IGF2BP3: variants seen among roughly 807,000 people sequenced by gnomAD.
The protein encoded by IGF2BP3 is insulin-like growth factor 2 mRNA-binding protein 3.
A neutral mutation model predicts 73.8 loss-of-function variants in IGF2BP3; 9 were observed. The observed-to-expected ratio is 0.12, with a 90% CI of 0.07 to 0.21. The LOEUF is 0.21. IGF2BP3 is among the 10% of genes least tolerant of loss of function. The pLI, the probability that IGF2BP3 is intolerant of heterozygous loss-of-function variation, is 1.00. For missense variants in IGF2BP3, 542 were observed against 714.0 expected (o/e 0.76, Z 2.75); for synonymous variants, 258 against 256.7 (o/e 1.01, Z -0.05).
intron 3 of IGF2BP3, among the ~76,000 whole-genome samples, chr7:23,386,356 A>G (rs1277670701): frequency 6.6e-6 from 1 of 152,166 alleles, no homozygotes; most frequent in Non-Finnish European, 1.5e-5. Context: ...CAGCAATTCT[A>G]CAAGATAATC....
chr7:23,351,693 T>C (rs1477641011), intron 5 of IGF2BP3, 107 bp from the exon 6 acceptor site: 2 of 1,221,488 alleles, frequency 1.6e-6, no homozygotes, highest in Non-Finnish European at 1.1e-6. Flanking sequence ...AGCTCTAAAC[T>C]TCTGAGTGAA....
At position 23,359,265 on chromosome 7, in the gene IGF2BP3, T is replaced by TA. The variant is rs371084842; in HGVS notation, c.401+2268_401+2269insT. Reference sequence around the variant, plus strand: ...TGTGCTTGCAGTCTTAATGCTTTGTTTTTTTGTTTTTAAAGGAGGAAGGCT... The same window carrying TA: ...TGTGCTTGCAGTCTTAATGCTTTGTTATTTTTGTTTTTAAAGGAGGAAGGCT... On this transcript the variant is annotated intron_variant, in intron 5 of 14. Transcript: ENST00000258729. Among the ~76,000 whole-genome samples the TA allele has an allele frequency of 4.7e-3, 712 of 152,312 alleles. 7 individuals carry two copies. The highest frequency in any genetic ancestry group is 0.016 in the African/African-American group (659 of 41,560).
chr7:23,437,145 A>G (rs115471569), intron 2 of IGF2BP3, among the ~76,000 whole-genome samples: 2,995 of 152,026 alleles, frequency 0.02, 102 homozygotes, highest in African/African-American at 0.069. Context: ...AAAAGCAAAT[A>G]TAGGATACTT....
chr7:23,398,263 T>C lies in IGF2BP3; in HGVS notation c.285+20513A>G, dbSNP rs549212913. On this transcript the variant is annotated intron_variant, in intron 3 of 14. Transcript: ENST00000258729. Reference sequence around the variant, plus strand: ...GAACTCATCATTTTTTATGGCTGCATAGTATTCCATGGTGTATATGTGCCA... The same window carrying C: ...GAACTCATCATTTTTTATGGCTGCACAGTATTCCATGGTGTATATGTGCCA... 1.9e-4 allele frequency among the ~76,000 whole-genome samples: 29 copies of C among 152,330 alleles called. No homozygotes were observed. In the South Asian group the frequency reaches 5.6e-3, roughly 29 times the overall value.
intron 2 of IGF2BP3, among the ~76,000 whole-genome samples, chr7:23,464,815 TCTC>T (rs1487885723): frequency 2.0e-5 from 3 of 152,072 alleles, no homozygotes; most frequent in African/African-American, 4.8e-5. Flanking sequence ...ATTATTTTTT[TCTC>T]CTTTCTTCAA....
intron 9 of IGF2BP3, among the ~76,000 whole-genome samples, chr7:23,343,184 A>C (rs1181343387): frequency 6.6e-6 from 1 of 152,232 alleles, no homozygotes; most frequent in African/African-American, 2.4e-5. Flanking sequence ...TCCAAGGTTT[A>C]TATGGCTAAC....
At chr7:23,383,861 C>T (rs1405481599) in intron 3 of IGF2BP3, among the ~76,000 whole-genome samples, 1 of 151,964 alleles carries the variant, frequency 6.6e-6, no homozygotes, top group African/African-American at 2.4e-5. Context: ...CTTTGGGAGG[C>T]CGAGGCGGGC....
chr7:23,420,884 A>G (rs1050379265), intron 2 of IGF2BP3, among the ~76,000 whole-genome samples: 1 of 152,266 alleles, frequency 6.6e-6, no homozygotes, highest in Non-Finnish European at 1.5e-5. Context: ...AATCCAAACT[A>G]TAGCTAGTAC....
chr7:23,313,547 C>T lies in IGF2BP3; in HGVS notation c.1502G>A (p.Arg501Lys). Residue 501 changes from arginine (R) to lysine (K), a missense_variant, in exon 13 of 15, where the codon AGA becomes AAA. By Grantham distance (26) the Arg-to-Lys change is conservative. This residue lies in a region of IGF2BP3 where 303 missense variants were observed against 472.1 expected (regional missense o/e 0.64). Transcript: ENST00000258729. ...HIRVPSFAAG[R>K]VIGKGGKTVN... The stretch of plus-strand genomic sequence containing the variant: ...CGTTTTGCCTCCTTTTCCAATAACT[C>T]TGCCAGCAGCAAAGGATGGCACTCT... The T allele has an allele frequency of 1.9e-6, 3 of 1,614,080 alleles. No homozygotes were observed. The highest frequency in any genetic ancestry group is 2.5e-6 in the Non-Finnish European group (3 of 1,180,024).
intron 2 of IGF2BP3, among the ~76,000 whole-genome samples, chr7:23,425,623 C>T (rs1043584548): frequency 3.9e-5 from 6 of 152,136 alleles, no homozygotes. Flanking sequence ...ATCCTCCTGC[C>T]TTGGCCTCAA....
chr7:23,397,289 G>T (rs566815898), intron 3 of IGF2BP3, among the ~76,000 whole-genome samples: 2 of 152,314 alleles, frequency 1.3e-5, no homozygotes, highest in South Asian at 2.1e-4. Context: ...ATTCAAAAAG[G>T]CTTCTAAGAA....
intron 3 of IGF2BP3, among the ~76,000 whole-genome samples, chr7:23,382,652 TGG>T (rs1255589873): frequency 6.6e-6 from 1 of 151,988 alleles, no homozygotes; most frequent in Non-Finnish European, 1.5e-5. Context: ...ATACACCTTA[TGG>T]TAAAACAAAA....
At chr7:23,397,775 T>C (rs1786523254) in intron 3 of IGF2BP3, among the ~76,000 whole-genome samples, 1 of 152,236 alleles carries the variant, frequency 6.6e-6, no homozygotes, top group South Asian at 2.1e-4. Context: ...ATTACACTGG[T>C]GGTAAATTGA....
chr7:23,326,220 GA>G (rs1206437983), intron 10 of IGF2BP3, among the ~76,000 whole-genome samples: 12 of 151,936 alleles, frequency 7.9e-5, no homozygotes, highest in Non-Finnish European at 1.5e-4. Context: ...AAATTTACAG[GA>G]AAAAAACAAA....
At chr7:23,357,495 C>T (rs1785124729) in intron 5 of IGF2BP3, among the ~76,000 whole-genome samples, 1 of 152,172 alleles carries the variant, frequency 6.6e-6, no homozygotes, top group African/African-American at 2.4e-5. Context: ...TCAATGTCTA[C>T]ACATTTTCTA....
intron 11 of IGF2BP3, among the ~76,000 whole-genome samples, chr7:23,318,829 T>G (rs553080162): frequency 6.6e-6 from 1 of 152,176 alleles, no homozygotes; most frequent in East Asian, 1.9e-4. Flanking sequence ...GAGCACTGAA[T>G]GGTGTCAATC....
chr7:23,321,128 G>C (rs1422143569), intron 10 of IGF2BP3, among the ~76,000 whole-genome samples: 1 of 152,214 alleles, frequency 6.6e-6, no homozygotes, highest in Non-Finnish European at 1.5e-5. Flanking sequence ...CGATGCAGAA[G>C]ACGGGTGATT....
Position 23,409,500 on chromosome 7 carries a change from A to C in IGF2BP3, c.285+9276T>G, listed in dbSNP as rs189871094. ...ATAATACTATTCAATTTTAAGACTTATAAAGATACCGTAACCAAGAAAGTG... is the reference window on the plus strand; with the variant it reads ...ATAATACTATTCAATTTTAAGACTTCTAAAGATACCGTAACCAAGAAAGTG... On this transcript the variant is annotated intron_variant, in intron 3 of 14. Transcript: ENST00000258729. 1.8e-3 allele frequency among the ~76,000 whole-genome samples: 274 copies of C among 152,336 alleles called. 2 individuals carry two copies. Among genetic ancestry groups the C allele is most frequent in the Middle Eastern group, 3.4e-3 (1 of 294 alleles).
intron 3 of IGF2BP3, among the ~76,000 whole-genome samples, chr7:23,373,474 A>G (rs898547603): frequency 5.9e-5 from 9 of 151,978 alleles, no homozygotes; most frequent in Non-Finnish European, 1.3e-4. Flanking sequence ...CTTCACCTCC[A>G]TTAGAATGGC....
Sources: gnomAD v4.1 joint callset for allele counts (sites outside exome capture counted in the v4.1 genomes callset) on GRCh38, gnomAD v4.1.1 for gene constraint, gnomAD v4.1.1 regional missense constraint, MANE v1.5 for transcripts, NCBI Gene and HGNC (gene_info 2026-07-23, HGNC 2026-07-21) for gene names.